ADCY9: variants seen among roughly 807,000 people sequenced by gnomAD.
The protein encoded by ADCY9 is adenylate cyclase type 9.
ADCY9 carries 50 observed loss-of-function variants against 101.5 expected under a neutral mutation model. The ratio of observed to expected loss-of-function variants is 0.49; its 90% CI spans 0.39 to 0.62. ADCY9 has a LOEUF of 0.62. Ranked by LOEUF, ADCY9 falls within the 20% of genes least tolerant of loss-of-function variation. ADCY9 has a pLI of 0.00. For synonymous variants in ADCY9, 905 were observed against 769.3 expected, an observed-to-expected ratio of 1.18 and a Z score of -2.92; for missense variants, 1,662 against 1,800.4, an observed-to-expected ratio of 0.92 and a Z score of 1.39.
rs767240836 is a variant in ADCY9, at chr16:3,974,663, G to C, written c.2870+6C>G. 1.2e-6 allele frequency: 2 copies of C among 1,610,796 alleles called. No individual in the cohort carries two copies. The highest frequency in any genetic ancestry group is 2.7e-5 in the African/African-American group (2 of 74,952). ...TTCAGACAGAAGTGCAATATTAAAA[G>C]CTTACCTGAAATTCTGTACTGCGTC... On this transcript the variant is annotated splice_donor_region_variant and intron_variant, in intron 10 of 10. Coordinates refer to ENST00000294016, the MANE Select transcript of ADCY9 (RefSeq NM_001116.4).
intron 2 of ADCY9, among the ~76,000 whole-genome samples, chr16:4,016,076 C>T (rs750652515): frequency 6.6e-5 from 10 of 152,000 alleles, no homozygotes; most frequent in South Asian, 2.1e-4. Flanking sequence ...CAGGGACATC[C>T]GAAAAAGGGA....
intron 2 of ADCY9, among the ~76,000 whole-genome samples, chr16:4,104,686 T>C (rs186035624): frequency 2.4e-4 from 36 of 152,246 alleles, no homozygotes; most frequent in African/African-American, 8.7e-4. Flanking sequence ...CAGAATCACA[T>C]AAAAAGGCTA....
intron 2 of ADCY9, among the ~76,000 whole-genome samples, chr16:4,011,321 T>G (rs1391708626): frequency 1.3e-5 from 2 of 151,888 alleles, no homozygotes; most frequent in African/African-American, 4.8e-5. Flanking sequence ...ACAGCACCTG[T>G]GCAGGGCACT....
intron 7 of ADCY9, chr16:3,981,866 G>T (rs2141688599): frequency 6.6e-6 from 1 of 152,398 alleles, no homozygotes; most frequent in Middle Eastern, 3.4e-3. Flanking sequence ...GCCTCCCAAA[G>T]TGCTGGGATT....
intron 2 of ADCY9, among the ~76,000 whole-genome samples, chr16:4,047,667 T>A (rs1027402051): frequency 4.6e-5 from 7 of 152,022 alleles, no homozygotes; most frequent in Admixed American, 4.6e-4. Flanking sequence ...TTGGTTGAAA[T>A]CCATGACCAA....
chr16:3,959,518 T>C (rs891309236), downstream of ADCY9, among the ~76,000 whole-genome samples: 2 of 152,172 alleles, frequency 1.3e-5, no homozygotes, highest in African/African-American at 4.8e-5. Flanking sequence ...GCAGAAAATT[T>C]AACAACCTAG....
Position 4,039,242 on chromosome 16 carries a change from T to G in ADCY9, c.1694-31684A>C, listed in dbSNP as rs142460469. ...CCTCCATCTTTGCCGCTTCCCCACG[T>G]ACTTGCGGTGCTGTTTCTCAAACAC... On this transcript the variant is annotated intron_variant, in intron 2 of 10. Transcript: ENST00000294016. Among the ~76,000 whole-genome samples, 446 of 152,288 alleles carry G rather than the reference T, an allele frequency of 2.9e-3. 1 individual carries two copies. Among genetic ancestry groups the G allele is most frequent in the Middle Eastern group, 0.02 (6 of 294 alleles).
intron 2 of ADCY9, among the ~76,000 whole-genome samples, chr16:4,034,596 G>A (rs920813279): frequency 8.6e-5 from 13 of 151,962 alleles, no homozygotes; most frequent in African/African-American, 2.4e-4. Context: ...TATTAGTAGG[G>A]GTTTATTAGA....
chr16:4,094,978 G>T (rs1361733228), intron 2 of ADCY9, among the ~76,000 whole-genome samples: 2 of 150,734 alleles, frequency 1.3e-5, no homozygotes, highest in Non-Finnish European at 3.0e-5. Context: ...CAAAATCCAA[G>T]AGTTTCCTTT....
chr16:4,109,116 T>C (rs921262071), intron 2 of ADCY9, among the ~76,000 whole-genome samples: 8 of 152,172 alleles, frequency 5.3e-5, no homozygotes, highest in African/African-American at 1.9e-4. Context: ...GTACACCCCA[T>C]CTGCTGTATC....
At chr16:4,015,273 A>G (rs1452238830) in intron 2 of ADCY9, among the ~76,000 whole-genome samples, 6 of 151,988 alleles carry the variant, frequency 3.9e-5, no homozygotes, top group Non-Finnish European at 8.8e-5. Context: ...CGAGTTAATA[A>G]ATGCCCCACT....
At chr16:4,099,776 G>A (rs943024931) in intron 2 of ADCY9, among the ~76,000 whole-genome samples, 1 of 152,234 alleles carries the variant, frequency 6.6e-6, no homozygotes, top group African/African-American at 2.4e-5. Flanking sequence ...TCTCAGCTGG[G>A]TGCCTTGGCT....
intron 3 of ADCY9, among the ~76,000 whole-genome samples, chr16:4,004,182 G>A (rs534489300): frequency 3.2e-4 from 47 of 149,204 alleles, no homozygotes; most frequent in African/African-American, 8.9e-4. Context: ...TGAGAGTTTC[G>A]AGCTGCAGTG....
At position 4,021,507 on chromosome 16, in the gene ADCY9, G is replaced by A. The variant is rs4785949; in HGVS notation, c.1694-13949C>T. On this transcript the variant is annotated intron_variant, in intron 2 of 10. Coordinates refer to ENST00000294016, the MANE Select transcript of ADCY9 (RefSeq NM_001116.4). ...CCAACCTATCCCCTCACCATCTACC[G>A]GCACCAAGTCTGTGTGAGCACACTG... Among the ~76,000 whole-genome samples, 1,408 of 152,230 alleles carry A rather than the reference G, an allele frequency of 9.2e-3. 17 individuals are homozygous for A. The highest frequency in any genetic ancestry group is 0.016 in the Non-Finnish European group (1,058 of 68,012).
At chr16:4,029,302 G>A (rs1189181734) in intron 2 of ADCY9, among the ~76,000 whole-genome samples, 2 of 152,144 alleles carry the variant, frequency 1.3e-5, no homozygotes, top group Non-Finnish European at 2.9e-5. Flanking sequence ...TTTATGGTAG[G>A]CTGAACCATA....
At chr16:4,055,753 G>A (rs1157909863) in intron 2 of ADCY9, among the ~76,000 whole-genome samples, 1 of 151,994 alleles carries the variant, frequency 6.6e-6, no homozygotes, top group Non-Finnish European at 1.5e-5. Flanking sequence ...AGAACGGCAT[G>A]AACCCAGAAG....
chr16:3,995,278 A>G (rs973119280), intron 3 of ADCY9, among the ~76,000 whole-genome samples: 1 of 152,100 alleles, frequency 6.6e-6, no homozygotes, highest in Non-Finnish European at 1.5e-5. Flanking sequence ...AAGCATAAAA[A>G]TTAGCCTGGC....
chr16:4,023,483 G>T (rs1335873657), intron 2 of ADCY9, among the ~76,000 whole-genome samples: 1 of 150,436 alleles, frequency 6.6e-6, no homozygotes, highest in Non-Finnish European at 1.5e-5. Context: ...AGGGATGCAG[G>T]GATCAGCATG....
chr16:4,050,430 T>C (rs2056693471), intron 2 of ADCY9, among the ~76,000 whole-genome samples: 1 of 151,998 alleles, frequency 6.6e-6, no homozygotes, highest in Non-Finnish European at 1.5e-5. Flanking sequence ...ATTTCCTAGC[T>C]ATGCCAGGCG....
Sources: allele counts gnomAD v4.1 joint callset (sites outside exome capture counted in the v4.1 genomes callset), GRCh38; gene constraint gnomAD v4.1.1; transcripts MANE v1.5; gene names NCBI Gene and HGNC (gene_info 2026-07-23, HGNC 2026-07-21).